The following AFG2A variants were observed in gnomAD, a reference collection of about 807,000 sequenced individuals.
AFG2A encodes ATPase family gene 2 protein homolog A.
the AFG2A span, chr4:122,934,384 A>G: frequency 1.2e-6 from 2 of 1,614,210 alleles, no homozygotes; most frequent in South Asian, 2.2e-5. Context: ...AAATAAAGCC[A>G]GTGATGTTTT....
chr4:123,047,828 G>C, the AFG2A span, among the ~76,000 whole-genome samples: 1 of 151,750 alleles, frequency 6.6e-6, no homozygotes, highest in Non-Finnish European at 1.5e-5. Flanking sequence ...TTAGCCTCCT[G>C]AGCAGCTAGG....
At chr4:123,101,391 CTT>C in the AFG2A span, among the ~76,000 whole-genome samples, 2 of 151,794 alleles carry the variant, frequency 1.3e-5, no homozygotes, top group Middle Eastern at 3.2e-3. Flanking sequence ...AGTGAGCAGA[CTT>C]ATATTCATTC....
chr4:123,242,133 C>A, the AFG2A span, among the ~76,000 whole-genome samples: 2 of 151,760 alleles, frequency 1.3e-5, no homozygotes, highest in African/African-American at 4.8e-5. Context: ...AAAGAGGACA[C>A]AAACAAATGG....
At chr4:122,960,197 T>C in the AFG2A span, among the ~76,000 whole-genome samples, 1 of 152,220 alleles carries the variant, frequency 6.6e-6, no homozygotes. Flanking sequence ...TGTGTTTGTA[T>C]TCCTGCTGGG....
chr4:123,070,867 G>A, the AFG2A span, among the ~76,000 whole-genome samples: 20 of 152,138 alleles, frequency 1.3e-4, no homozygotes, highest in Admixed American at 5.2e-4. Context: ...TTCCCAATGA[G>A]TACTAGTCAA....
chr4:123,140,851 G>A, the AFG2A span, among the ~76,000 whole-genome samples: 1 of 152,054 alleles, frequency 6.6e-6, no homozygotes, highest in Non-Finnish European at 1.5e-5. Flanking sequence ...GTGGTACATG[G>A]AAATTTGACC....
chr4:122,939,679 G>T, the AFG2A span, among the ~76,000 whole-genome samples: 1 of 151,528 alleles, frequency 6.6e-6, no homozygotes, highest in Non-Finnish European at 1.5e-5. Flanking sequence ...TGTGCACAAT[G>T]TGCAGGTTAG....
At chr4:123,086,872 G>A in the AFG2A span, among the ~76,000 whole-genome samples, 1 of 151,978 alleles carries the variant, frequency 6.6e-6, no homozygotes, top group Admixed American at 6.6e-5. Flanking sequence ...CAGTGTTTTT[G>A]ATCTCTAGCA....
the AFG2A span, among the ~76,000 whole-genome samples, chr4:123,055,426 T>C: frequency 6.6e-6 from 1 of 152,180 alleles, no homozygotes; most frequent in Non-Finnish European, 1.5e-5. Context: ...ATCATAGTAC[T>C]TGTCATACAG....
the AFG2A span, among the ~76,000 whole-genome samples, chr4:123,181,145 T>C: frequency 2.0e-5 from 3 of 152,010 alleles, no homozygotes; most frequent in South Asian, 2.1e-4. Context: ...CCACCGCGCC[T>C]GGCTAATTTT....
the AFG2A span, among the ~76,000 whole-genome samples, chr4:123,228,572 C>A: frequency 6.6e-6 from 1 of 151,950 alleles, no homozygotes; most frequent in Admixed American, 6.6e-5. Flanking sequence ...TAATAGCGTT[C>A]ATTTATTTAG....
At chr4:123,056,392 T>C in the AFG2A span, 1 of 1,611,680 alleles carries the variant, frequency 6.2e-7, no homozygotes, top group Non-Finnish European at 8.5e-7. Context: ...TGCAGGGGCC[T>C]GAATTAATGA....
the AFG2A span, among the ~76,000 whole-genome samples, chr4:123,092,125 G>T: frequency 6.6e-6 from 1 of 152,134 alleles, no homozygotes; most frequent in Non-Finnish European, 1.5e-5. Context: ...TGAGTTCTGA[G>T]TATTTATAGA....
the AFG2A span, among the ~76,000 whole-genome samples, chr4:123,086,821 T>C: frequency 6.6e-6 from 1 of 152,160 alleles, no homozygotes. Context: ...CTGTTTCCGG[T>C]TGACTAATGA....
the AFG2A span, among the ~76,000 whole-genome samples, chr4:123,110,450 A>T: frequency 6.6e-6 from 1 of 152,192 alleles, no homozygotes; most frequent in African/African-American, 2.4e-5. Context: ...GAAAACAAAG[A>T]AGTAAAAATG....
At chr4:122,970,790 G>A in the AFG2A span, among the ~76,000 whole-genome samples, 1 of 151,764 alleles carries the variant, frequency 6.6e-6, no homozygotes, top group South Asian at 2.1e-4. Context: ...CTCTTAGAAC[G>A]TATCCCTGTC....
the AFG2A span, among the ~76,000 whole-genome samples, chr4:123,112,589 G>C: frequency 2.3e-4 from 35 of 152,262 alleles, no homozygotes; most frequent in East Asian, 6.4e-3. Context: ...AGAGAGAATA[G>C]TGATATGGAA....
chr4:122,991,464 A>G, the AFG2A span, among the ~76,000 whole-genome samples: 1 of 152,320 alleles, frequency 6.6e-6, no homozygotes, highest in South Asian at 2.1e-4. Context: ...ATGTGACATC[A>G]TGCTGGACTA....
chr4:123,215,094 T>C, the AFG2A span, among the ~76,000 whole-genome samples: 1 of 152,122 alleles, frequency 6.6e-6, no homozygotes, highest in Non-Finnish European at 1.5e-5. Flanking sequence ...CTCAAAATAA[T>C]ATCATGTTGA....
Sources: gnomAD v4.1 joint callset for allele counts (sites outside exome capture counted in the v4.1 genomes callset) on GRCh38, gnomAD v4.1.1 for gene constraint, MANE v1.5 for transcripts, NCBI Gene and HGNC (gene_info 2026-07-23, HGNC 2026-07-21) for gene names.